MYH3: variants seen among roughly 807,000 people sequenced by gnomAD.
MYH3 encodes the protein myosin heavy chain 3.
Under a neutral mutation model 238.0 loss-of-function variants are expected in MYH3, and 130 were observed. That is an observed-to-expected ratio of 0.55 (90% CI 0.47 to 0.63). The LOEUF (loss-of-function observed/expected upper bound fraction) is 0.63, where lower values mean the gene tolerates loss of function less well. Among genes scored for constraint, MYH3 ranks in the 30% least tolerant of loss-of-function variants. The pLI is 0.00. For synonymous variants in MYH3, 880 were observed against 924.1 expected, an observed-to-expected ratio of 0.95 and a Z score of 0.86; for missense variants, 1,853 against 2,374.9, an observed-to-expected ratio of 0.78 and a Z score of 4.57.
chr17:10,666,554 C>T, the MYH3 span, among the ~76,000 whole-genome samples: 1 of 110,284 alleles, frequency 9.1e-6, no homozygotes, highest in Non-Finnish European at 1.7e-5. Context: ...CCAGCGTGGG[C>T]AACAGAGTGA....
chr17:10,629,622 T>C lies in MYH3; in HGVS notation c.5771A>G (p.Lys1924Arg). The C allele has an allele frequency of 6.2e-7, 1 of 1,613,836 alleles. No individual in the cohort carries two copies. Among genetic ancestry groups the C allele is most frequent in the Non-Finnish European group, 8.5e-7 (1 of 1,180,044 alleles). ...CCTGCTGGAGGTGAAGTCTCGAGTC[T>C]TAGCGCGGAGCTTGTTGACTTGAGA... ...AESQVNKLRAKTRDFTSSRMV... is the reference protein window; with the variant it reads ...AESQVNKLRARTRDFTSSRMV... The change falls in exon 40 of 41, where the codon AAG becomes AGG. Residue 1924 changes from lysine (K) to arginine (R), a missense_variant. Lys to Arg is a conservative substitution (Grantham distance 26, BLOSUM62 2). Coordinates refer to ENST00000583535, the MANE Select transcript of MYH3 (RefSeq NM_002470.4).
the MYH3 span, among the ~76,000 whole-genome samples, chr17:10,667,177 T>A: frequency 6.6e-6 from 1 of 152,224 alleles, no homozygotes; most frequent in African/African-American, 2.4e-5. Context: ...AGCAAAATGA[T>A]ACGTGCAATT....
At chr17:10,645,629 A>G in intron 12 of MYH3, 78 bp downstream of exon 12, 1 of 1,572,970 alleles carries the variant, frequency 6.4e-7, no homozygotes. Context: ...GGCTGGATTA[A>G]TTGCTTTCAA....
intron 4 of MYH3, chr17:10,652,088 G>A: frequency 2.4e-6 from 1 of 414,676 alleles, no homozygotes; most frequent in South Asian, 2.2e-5. Flanking sequence ...TATAAAGGGG[G>A]GAGGCTACCA....
chr17:10,644,187 A>G (rs888739638), intron 14 of MYH3, among the ~76,000 whole-genome samples, 164 bp downstream of exon 14: 5 of 151,840 alleles, frequency 3.3e-5, no homozygotes, highest in Non-Finnish European at 7.4e-5. Context: ...AAACCCTAAT[A>G]CAAACCCTTC....
Position 10,631,724 on chromosome 17 carries a change from T to C in MYH3, c.5173A>G (p.Ile1725Val). Reference protein sequence around the residue: ...QLLHTQNTSLIHTKKKLETDL... With the variant: ...QLLHTQNTSLVHTKKKLETDL... ...GTCTCCAGCTTCTTCTTGGTGTGGA[T>C]GAGGCTGGTGTTCTAGGGCAAGAGG... Residue 1725 changes from isoleucine to valine, a missense_variant, in exon 36 of 41, where the codon ATC (isoleucine) becomes GTC (valine). Transcript: ENST00000583535. The C allele has an allele frequency of 6.2e-7, 1 of 1,614,184 alleles. No individual in the cohort carries two copies. The highest frequency in any genetic ancestry group is 8.5e-7 in the Non-Finnish European group (1 of 1,180,030).
chr17:10,667,573 T>G, the MYH3 span, among the ~76,000 whole-genome samples: 1 of 151,474 alleles, frequency 6.6e-6, no homozygotes, highest in Non-Finnish European at 1.5e-5. Flanking sequence ...CCCAGCTACT[T>G]GGGATGCTGA....
chr17:10,630,321 G>A lies in MYH3; in HGVS notation c.5424C>T (p.Gly1808=), dbSNP rs758637062. 1.5e-5 allele frequency: 24 copies of A among 1,614,042 alleles called. No homozygotes were observed. The highest frequency in any genetic ancestry group is 1.7e-5 in the Non-Finnish European group (20 of 1,180,046). The part of the protein sequence containing the change: ...LDEAEQLALK[G]GKKQIQKLET... ...CCAGTTTCTGGATCTGCTTCTTCCC[G>A]CCCTTCAGCGCCAGCTGCTCGGCCT... The change falls in exon 37 of 41, where the codon GGC becomes GGT. Residue 1808 remains glycine, a synonymous_variant. Transcript: ENST00000583535.
the MYH3 span, chr17:10,675,769 C>G: frequency 6.6e-6 from 1 of 152,066 alleles, no homozygotes; most frequent in Non-Finnish European, 1.5e-5. Flanking sequence ...AGGACAAATG[C>G]GTTAGTCTTT....
intron 28 of MYH3, among the ~76,000 whole-genome samples, chr17:10,637,252 G>T (rs1001797941): frequency 6.6e-6 from 1 of 152,008 alleles, no homozygotes; most frequent in African/African-American, 2.4e-5. Flanking sequence ...TAGAGACGGG[G>T]TTTCACCATG....
Position 10,640,494 on chromosome 17 carries a change from AG to A in MYH3, c.2290-26del, listed in dbSNP as rs1277746993. 3 of 1,614,242 alleles carry A rather than the reference AG, an allele frequency of 1.9e-6. No individual in the cohort carries two copies. In the African/African-American group the frequency reaches 4.0e-5, roughly 22 times the overall value. ...CCTTATGGGGCAGAAGGGTGACATGAGTCAGTTTCCTAGAGAAGCTGTGTCA... is the reference window on the plus strand; with the variant it reads ...CCTTATGGGGCAGAAGGGTGACATGATCAGTTTCCTAGAGAAGCTGTGTCA... On this transcript the variant is annotated intron_variant, in intron 20 of 40. Transcript: ENST00000583535.
intron 31 of MYH3, 91 bp downstream of exon 31, chr17:10,634,749 G>C (rs1465046477): frequency 8.6e-6 from 13 of 1,509,650 alleles, no homozygotes; most frequent in Admixed American, 5.0e-5. Flanking sequence ...GGTGAGGGCA[G>C]AGTCAGGTCC....
In MYH3 at chr17:10,656,090, C is replaced by T. The variant is rs947393726; in HGVS notation, c.-9G>A. 1 of 152,252 alleles carries T rather than the reference C, an allele frequency of 6.6e-6. No homozygotes were observed. Among genetic ancestry groups the T allele is most frequent in the Non-Finnish European group, 1.5e-5 (1 of 68,082 alleles). The allele number at this position is 152,252 out of a possible 1,614,324, so 9.4% of individuals were successfully genotyped here. On this transcript the variant is annotated splice_region_variant and 5_prime_UTR_variant, in exon 2 of 41. Coordinates refer to ENST00000583535, the MANE Select transcript of MYH3 (RefSeq NM_002470.4). ...CGAGGGACAGGGCCCAACTTCTCAC[C>T]TGAGAGTCCCACCTGCAGGATGAGA...
chr17:10,635,545 G>A lies in MYH3; in HGVS notation c.3994C>T (p.His1332Tyr), dbSNP rs1332160936. 6.2e-7 allele frequency: 1 copy of A among 1,614,222 alleles called. No homozygotes were observed. Among genetic ancestry groups the A allele is most frequent in the Middle Eastern group, 1.6e-4 (1 of 6,062 alleles). The change falls in exon 30 of 41, where the codon CAC becomes TAC. Residue 1332 changes from histidine to tyrosine, a missense_variant. Coordinates refer to ENST00000583535, the MANE Select transcript of MYH3 (RefSeq NM_002470.4). ...TCGTGGCGGGAGGACTGCAGGGCGT[G>A]CGCCAGGGCGTTCTTGGCCTGCAGA... The part of the protein sequence containing the change: ...EENKAKNALA[H>Y]ALQSSRHDCD...
intron 40 of MYH3, 24 bp downstream of exon 40, chr17:10,629,573 G>C (rs764281649): frequency 6.2e-7 from 1 of 1,612,142 alleles, no homozygotes; most frequent in Admixed American, 1.7e-5. Flanking sequence ...CTGGGGGGGG[G>C]CTCCTCCCAG....
At chr17:10,644,285 T>C in intron 14 of MYH3, 66 bp downstream of exon 14, 3 of 1,537,872 alleles carry the variant, frequency 2.0e-6, no homozygotes, top group Non-Finnish European at 2.7e-6. Flanking sequence ...ATCTTCCCTT[T>C]AGGATCATGA....
At chr17:10,649,851 T>C (rs546829981) in intron 6 of MYH3, among the ~76,000 whole-genome samples, 166 bp from the exon 7 acceptor site, 1 of 152,218 alleles carries the variant, frequency 6.6e-6, no homozygotes, top group East Asian at 1.9e-4. Flanking sequence ...AGGGCACAGG[T>C]GCCACAGGCA....
At position 10,652,539 on chromosome 17, in the gene MYH3, C is replaced by T. The variant is rs935061024; in HGVS notation, c.229G>A (p.Val77Met). The change falls in exon 4 of 41, where the codon GTG (valine) becomes ATG (methionine). Residue 77 changes from valine to methionine, a missense_variant. By Grantham distance (21) the Val-to-Met change is conservative. Around this residue, in one of 3 missense-constraint regions of MYH3, gnomAD observed 131 missense variants for 123.5 expected, o/e 1.06. Transcript: ENST00000583535. The stretch of plus-strand genomic sequence containing the variant: ...AACTTGGGGGGGTTCATGGCGTACA[C>T]ATCCTCTGGTTTGACCACCAGGGTC... Reference protein sequence around the residue: ...NRTLVVKPEDVYAMNPPKFDR... With the variant: ...NRTLVVKPEDMYAMNPPKFDR... The T allele has an allele frequency of 3.2e-6, 5 of 1,585,832 alleles. No homozygotes were observed. The highest frequency in any genetic ancestry group is 1.4e-5 in the African/African-American group (1 of 73,594).
intron 3 of MYH3, among the ~76,000 whole-genome samples, chr17:10,653,153 G>C (rs531915508): frequency 6.6e-6 from 1 of 152,290 alleles, no homozygotes; most frequent in East Asian, 1.9e-4. Flanking sequence ...AAGAGGATCT[G>C]TGTGGGTGGA....
Sources: gnomAD v4.1 joint callset for allele counts (sites outside exome capture counted in the v4.1 genomes callset) on GRCh38, gnomAD v4.1.1 for gene constraint, gnomAD v4.1.1 regional missense constraint, MANE v1.5 for transcripts, NCBI Gene and HGNC (gene_info 2026-07-23, HGNC 2026-07-21) for gene names.